Variants in LIX1 observed in about 807,000 individuals in gnomAD.
LIX1 encodes limb and CNS expressed 1.
A neutral mutation model predicts 33.4 loss-of-function variants in LIX1; 24 were observed. That is an observed-to-expected ratio of 0.72 (90% CI 0.52 to 1.01). LIX1 has a LOEUF of 1.01. LIX1 is among the 50% of genes least tolerant of loss of function. The pLI is 0.00. For synonymous variants in LIX1, 124 were observed against 124.0 expected, an observed-to-expected ratio of 1.00 and a Z score of 0.00; for missense variants, 311 against 339.2, an observed-to-expected ratio of 0.92 and a Z score of 0.65.
chr5:97,110,878 C>A (rs1315736626), intron 2 of LIX1, among the ~76,000 whole-genome samples: 1 of 151,998 alleles, frequency 6.6e-6, no homozygotes, highest in African/African-American at 2.4e-5. Flanking sequence ...CTTTAGACAG[C>A]AAGGCCATTC....
At chr5:97,118,487 T>C (rs1747693076) in intron 2 of LIX1, among the ~76,000 whole-genome samples, 1 of 149,204 alleles carries the variant, frequency 6.7e-6, no homozygotes, top group South Asian at 2.1e-4. Context: ...ATGGCCCTTG[T>C]ATTGCTCTAT....
intron 1 of LIX1, among the ~76,000 whole-genome samples, chr5:97,137,559 C>T (rs1025452618): frequency 6.6e-6 from 1 of 151,678 alleles, no homozygotes; most frequent in African/African-American, 2.4e-5. Context: ...AATAATTAGG[C>T]CCTATGATAA....
chr5:97,133,984 A>G (rs1156454719), intron 1 of LIX1, among the ~76,000 whole-genome samples: 3 of 152,244 alleles, frequency 2.0e-5, no homozygotes, highest in Admixed American at 2.0e-4. Context: ...TTTGACAGAA[A>G]AAAAAGAACA....
chr5:97,126,998 A>C (rs991631190), intron 1 of LIX1, among the ~76,000 whole-genome samples: 1 of 152,164 alleles, frequency 6.6e-6, no homozygotes, highest in Admixed American at 6.6e-5. Context: ...TTTATTTTCT[A>C]AACTATTATT....
intron 4 of LIX1, among the ~76,000 whole-genome samples, chr5:97,101,188 G>A (rs974476350): frequency 4.6e-5 from 7 of 152,092 alleles, no homozygotes; most frequent in African/African-American, 1.7e-4. Flanking sequence ...TTTGTTTATC[G>A]TGAATTTTTG....
intron 1 of LIX1, among the ~76,000 whole-genome samples, chr5:97,136,665 G>A (rs1748178459): frequency 6.6e-6 from 1 of 152,066 alleles, no homozygotes; most frequent in Admixed American, 6.6e-5. Flanking sequence ...CCAAAGGAGT[G>A]GTGACGAAAT....
At chr5:97,128,050 A>G (rs191035361) in intron 1 of LIX1, among the ~76,000 whole-genome samples, 2 of 152,346 alleles carry the variant, frequency 1.3e-5, no homozygotes, top group Admixed American at 1.3e-4. Flanking sequence ...GAATCCATCA[A>G]TCAATTAAAT....
intron 1 of LIX1, among the ~76,000 whole-genome samples, chr5:97,135,683 G>T (rs1748155824): frequency 1.3e-5 from 2 of 152,092 alleles, no homozygotes; most frequent in African/African-American, 4.8e-5. Flanking sequence ...GCTAGGTGCA[G>T]TAGTGGGCGC....
chr5:97,105,343 G>A lies in LIX1; in HGVS notation c.388-58C>T, dbSNP rs1746958761. 4.2e-6 allele frequency: 6 copies of A among 1,413,188 alleles called. No homozygotes were observed. The Admixed American group carries it at 6.9e-5, about 16-fold the overall frequency. 87.5% of individuals were successfully genotyped at this position (1,413,188 alleles called of 1,614,324 possible). On this transcript the variant is annotated intron_variant, in intron 3 of 5. Transcript: ENST00000274382. The stretch of plus-strand genomic sequence containing the variant: ...TGATTTTTCCTCCTCTTCTTTGAAT[G>A]GTCACAAATTAATTCTGTGACCACA...
At chr5:97,099,448 A>G (rs968042052) in intron 4 of LIX1, among the ~76,000 whole-genome samples, 2 of 152,250 alleles carry the variant, frequency 1.3e-5, no homozygotes, top group African/African-American at 4.8e-5. Flanking sequence ...CAGGAGGGCC[A>G]ATATTTGTAA....
At chr5:97,107,559 C>T (rs1561493223) in intron 2 of LIX1, 59 bp from the exon 3 acceptor site, 3 of 1,560,306 alleles carry the variant, frequency 1.9e-6, no homozygotes, top group Non-Finnish European at 2.6e-6. Flanking sequence ...CCATTCCACT[C>T]CTGCATCAAT....
intron 4 of LIX1, among the ~76,000 whole-genome samples, chr5:97,097,570 G>A (rs1746454069): frequency 6.6e-6 from 1 of 152,234 alleles, no homozygotes; most frequent in Non-Finnish European, 1.5e-5. Context: ...GGGGACAGGA[G>A]TAGGAGGGAG....
chr5:97,099,769 G>A (rs1374681780), intron 4 of LIX1, among the ~76,000 whole-genome samples: 2 of 152,122 alleles, frequency 1.3e-5, no homozygotes, highest in Admixed American at 6.5e-5. Flanking sequence ...CCTGGGAGGC[G>A]GAGAGTACAG....
chr5:97,126,637 CTTTT>C (rs1016872695), intron 1 of LIX1, among the ~76,000 whole-genome samples: 1 of 123,638 alleles, frequency 8.1e-6, no homozygotes, highest in African/African-American at 3.1e-5. Context: ...TATTTTCTTT[CTTTT>C]TTTTTTTTTT....
At chr5:97,121,649 CTTT>C (rs1017854317) in intron 2 of LIX1, among the ~76,000 whole-genome samples, 15 of 152,098 alleles carry the variant, frequency 9.9e-5, no homozygotes, top group African/African-American at 3.4e-4. Flanking sequence ...GAGAAATATC[CTTT>C]CAAAATTTTC....
At position 97,126,505 on chromosome 5, in the gene LIX1, T is replaced by A. The variant is rs1747924765; in HGVS notation, c.83-1876A>T. Among the ~76,000 whole-genome samples the A allele has an allele frequency of 2.0e-5, 3 of 152,174 alleles. No homozygotes were observed. In the South Asian group the frequency reaches 6.2e-4, roughly 31 times the overall value. On this transcript the variant is annotated intron_variant, in intron 1 of 5. Coordinates refer to ENST00000274382, the MANE Select transcript of LIX1 (RefSeq NM_153234.5). ...TTAAGAAGTGATTTGGGAAAGAAAT[T>A]GGGAAAATGTTAAAAGTAGTGAGGG...
rs189778363 is a variant in LIX1, at chr5:97,138,861, A to G, written c.82+3634T>C. Among the ~76,000 whole-genome samples the G allele has an allele frequency of 1.8e-3, 277 of 152,208 alleles. 2 individuals are homozygous for G. Among genetic ancestry groups the G allele is most frequent in the Admixed American group, 3.4e-3 (52 of 15,298 alleles). The stretch of plus-strand genomic sequence containing the variant: ...CAGAACATTTAATTGCTGACATGAG[A>G]CTCCAAGGAAATGTTCATTGAAGCA... On this transcript the variant is annotated intron_variant, in intron 1 of 5. Coordinates refer to ENST00000274382, the MANE Select transcript of LIX1 (RefSeq NM_153234.5).
intron 2 of LIX1, 56 bp from the exon 3 acceptor site, chr5:97,107,556 A>G: frequency 1.3e-6 from 2 of 1,564,880 alleles, no homozygotes; most frequent in Non-Finnish European, 1.8e-6. Flanking sequence ...TCACCATTCC[A>G]CTCCTGCATC....
intron 3 of LIX1, 33 bp downstream of exon 3, chr5:97,107,327 A>G: frequency 3.8e-6 from 6 of 1,599,076 alleles, no homozygotes; most frequent in Non-Finnish European, 5.1e-6. Flanking sequence ...TTCTCAGTGC[A>G]GCCATCTCCT....
Sources: gnomAD v4.1 joint callset for allele counts (sites outside exome capture counted in the v4.1 genomes callset) on GRCh38, gnomAD v4.1.1 for gene constraint, MANE v1.5 for transcripts, NCBI Gene and HGNC (gene_info 2026-07-23, HGNC 2026-07-21) for gene names.